The following IKZF5 variants were observed in gnomAD, a reference collection of about 807,000 sequenced individuals.
The protein encoded by IKZF5 is IKAROS family zinc finger 5.
In IKZF5, 4 loss-of-function variants were observed where a neutral mutation model predicts 30.7. That is an observed-to-expected ratio of 0.13 (90% CI 0.06 to 0.30). IKZF5 has a LOEUF of 0.30. IKZF5 is among the 10% of genes least tolerant of loss of function. The probability of loss-of-function intolerance (pLI) is 1.00; values close to 1 mark genes in which losing one functional copy is unlikely to be tolerated. For missense variants in IKZF5, 348 were observed against 525.5 expected (o/e 0.66, Z 3.30); for synonymous variants, 148 against 179.6 (o/e 0.82, Z 1.41).
chr10:122,996,176 G>A lies in IKZF5; in HGVS notation c.134C>T (p.Ala45Val). The A allele has an allele frequency of 6.2e-7, 1 of 1,611,148 alleles. No homozygotes were observed. ...TCCATTTTGATCACCATCTGTTCCAGCTATAAACAAAGTACCGCAAAAGAA... is the reference window on the plus strand; with the variant it reads ...TCCATTTTGATCACCATCTGTTCCAACTATAAACAAAGTACCGCAAAAGAA... ...GDKEAEALQG[A>V]GTDGDQNGLD... is the part of the protein sequence containing the mutation. The change falls in exon 4 of 5, where the codon GCT becomes GTT. Residue 45 changes from alanine (A) to valine (V), a missense_variant and splice_region_variant. Coordinates refer to ENST00000368886, the MANE Select transcript of IKZF5 (RefSeq NM_001372123.1).
In IKZF5 at chr10:122,994,189, T is replaced by C; in HGVS notation, c.851A>G (p.Lys284Arg). Reference sequence around the variant, plus strand: ...AGAGGGCTGCTGAATCATGAAAGGCTTTTCATCAGGGCAGGGAACTACATC... The same window carrying C: ...AGAGGGCTGCTGAATCATGAAAGGCCTTTCATCAGGGCAGGGAACTACATC... ...SPDVVPCPDE[K>R]PFMIQQPSTQ... Residue 284 changes from lysine (K) to arginine (R), a missense_variant, in exon 5 of 5, where the codon AAG becomes AGG. By Grantham distance (26) the Lys-to-Arg change is conservative. Around this residue, in one of 4 missense-constraint regions of IKZF5, gnomAD observed 176 missense variants for 198.2 expected, o/e 0.89. Coordinates refer to ENST00000368886, the MANE Select transcript of IKZF5 (RefSeq NM_001372123.1). This position sits in a 1 kb window ranked among gnomAD's most constrained non-coding sequence, Gnocchi z 5.6. 1 of 1,614,138 alleles carries C rather than the reference T, an allele frequency of 6.2e-7. No homozygotes were observed. The highest frequency in any genetic ancestry group is 8.5e-7 in the Non-Finnish European group (1 of 1,180,020).
chr10:122,998,610 G>T lies in IKZF5; in HGVS notation c.16C>A (p.Pro6Thr), dbSNP rs202154688. 3.1e-6 allele frequency: 5 copies of T among 1,610,764 alleles called. No homozygotes were observed. Among genetic ancestry groups the T allele is most frequent in the South Asian group, 1.1e-5 (1 of 90,446 alleles). Reference sequence around the variant, plus strand: ...TCTTTCACGAAGTCCAAAGGCTCTGGTTTTTTTTCACCCATCTTTGCTTTT... The same window carrying T: ...TCTTTCACGAAGTCCAAAGGCTCTGTTTTTTTTTCACCCATCTTTGCTTTT... MGEKKPEPLDFVKDFQ... is the reference protein window; with the variant it reads MGEKKTEPLDFVKDFQ... Residue 6 changes from proline to threonine, a missense_variant, in exon 3 of 5, where the codon CCA (proline) becomes ACA (threonine). Physicochemically the swap from Pro to Thr is conservative, Grantham distance 38. Coordinates refer to ENST00000368886, the MANE Select transcript of IKZF5 (RefSeq NM_001372123.1).
chr10:123,007,669 C>T (rs1286739033), intron 1 of IKZF5, among the ~76,000 whole-genome samples: 1 of 152,146 alleles, frequency 6.6e-6, no homozygotes, highest in African/African-American at 2.4e-5. Flanking sequence ...TAACACAAAA[C>T]AGCTACGGTT....
chr10:123,004,365 C>T (rs1002575478), intron 2 of IKZF5, among the ~76,000 whole-genome samples: 3 of 151,408 alleles, frequency 2.0e-5, no homozygotes, highest in African/African-American at 7.3e-5. Context: ...TAATCCTTAC[C>T]AAATCTTGAT....
intron 3 of IKZF5, among the ~76,000 whole-genome samples, chr10:122,996,404 C>T (rs568682410): frequency 6.6e-6 from 1 of 152,018 alleles, no homozygotes; most frequent in Admixed American, 6.6e-5. Flanking sequence ...AAATTATTTA[C>T]ACAAGGCCAG....
chr10:122,997,648 T>C (rs902058662), intron 3 of IKZF5: 2 of 152,202 alleles, frequency 1.3e-5, no homozygotes, highest in African/African-American at 4.8e-5. Context: ...ACTTTTTCTA[T>C]AGGCATGAAA....
At position 123,008,761 on chromosome 10, in the gene IKZF5, G is replaced by C. The variant is rs939245269; in HGVS notation, c.-265C>G. 2 of 601,392 alleles carry C rather than the reference G, an allele frequency of 3.3e-6. No individual in the cohort carries two copies. Among genetic ancestry groups the C allele is most frequent in the Non-Finnish European group, 5.9e-6 (2 of 336,746 alleles). 37.3% of individuals were successfully genotyped at this position (601,392 alleles called of 1,614,324 possible). A position where few individuals can be genotyped will look rare whatever the true frequency, so the allele number is the denominator to read the frequency against. ...TGCCGTCGCCGCCGCCGCCGTCTTC[G>C]TCACCGTCACAGTCGCCGCCGCCAT... On this transcript the variant is annotated 5_prime_UTR_variant, in exon 1 of 5. Transcript: ENST00000368886.
At chr10:122,998,468 C>T (rs774291833) in intron 3 of IKZF5, 25 bp downstream of exon 3, 2 of 1,593,302 alleles carry the variant, frequency 1.3e-6, no homozygotes, top group Admixed American at 3.5e-5. Context: ...AAGTGAATTA[C>T]TTAGTAGTAT....
At position 123,004,981 on chromosome 10, in the gene IKZF5, G is replaced by GA. The variant is rs562612693; in HGVS notation, c.-47+2044dup. On this transcript the variant is annotated intron_variant, in intron 2 of 4. Transcript: ENST00000368886. ...TCAATATTTCTAAGCATAATAAATTGAAAAATAGTAATAATTCTGAAACTG... is the reference window on the plus strand; with the variant it reads ...TCAATATTTCTAAGCATAATAAATTGAAAAAATAGTAATAATTCTGAAACTG... Among the ~76,000 whole-genome samples, 7 of 152,170 alleles carry GA rather than the reference G, an allele frequency of 4.6e-5. No homozygotes were observed. In the East Asian group the frequency reaches 5.8e-4, roughly 13 times the overall value.
chr10:123,004,297 C>G (rs1038706886), intron 2 of IKZF5, among the ~76,000 whole-genome samples: 1 of 152,062 alleles, frequency 6.6e-6, no homozygotes, highest in African/African-American at 2.4e-5. Flanking sequence ...CACATGAAAA[C>G]TATACATTTC....
At chr10:122,996,528 TAAA>T (rs11329642) in intron 3 of IKZF5, among the ~76,000 whole-genome samples, 2 of 140,128 alleles carry the variant, frequency 1.4e-5, no homozygotes, top group Non-Finnish European at 3.1e-5. Flanking sequence ...TGTCTCTACT[TAAA>T]AAAAAAAAAA....
At chr10:123,000,635 T>C (rs765829231) in intron 2 of IKZF5, among the ~76,000 whole-genome samples, 49 of 152,244 alleles carry the variant, frequency 3.2e-4, no homozygotes, top group Non-Finnish European at 5.3e-4. Flanking sequence ...TAATGTCAAA[T>C]AGGTTTTCAA....
chr10:123,008,258 A>G (rs1849890592), intron 1 of IKZF5, among the ~76,000 whole-genome samples: 1 of 152,172 alleles, frequency 6.6e-6, no homozygotes, highest in South Asian at 2.1e-4. Context: ...TCGGGGCAGC[A>G]GCCTCACCAA....
At chr10:123,001,680 C>T (rs1378083791) in intron 2 of IKZF5, among the ~76,000 whole-genome samples, 1 of 152,130 alleles carries the variant, frequency 6.6e-6, no homozygotes, top group African/African-American at 2.4e-5. Flanking sequence ...CTGTTCTGTT[C>T]CACTAGCCTA....
In IKZF5 at chr10:122,990,858, A is replaced by G. The variant is rs1468334260; in HGVS notation, c.*2922T>C. On this transcript the variant is annotated 3_prime_UTR_variant, in exon 5 of 5. Coordinates refer to ENST00000368886, the MANE Select transcript of IKZF5 (RefSeq NM_001372123.1). ...ACAAAAGCAAAGCTTCATTCACAATATGAACTGCATACTAGATATAGTTAT... is the reference window on the plus strand; with the variant it reads ...ACAAAAGCAAAGCTTCATTCACAATGTGAACTGCATACTAGATATAGTTAT... 1 of 147,754 alleles carries G rather than the reference A, an allele frequency of 6.8e-6. No homozygotes were observed. Among genetic ancestry groups the G allele is most frequent in the Non-Finnish European group, 1.5e-5 (1 of 67,106 alleles). 9.2% of individuals were successfully genotyped at this position (147,754 alleles called of 1,614,324 possible).
At position 122,998,628 on chromosome 10, in the gene IKZF5, T is replaced by C. The variant is rs1849474761; in HGVS notation, c.-3A>G. ...GGCTCTGGTTTTTTTTCACCCATCT[T>C]TGCTTTTTTAACATTTACAGTTTGT... is the stretch of plus-strand genomic sequence containing the variant. On this transcript the variant is annotated 5_prime_UTR_variant, in exon 3 of 5. Coordinates refer to ENST00000368886, the MANE Select transcript of IKZF5 (RefSeq NM_001372123.1). 1.1e-5 allele frequency: 18 copies of C among 1,611,440 alleles called. No individual in the cohort carries two copies. The highest frequency in any genetic ancestry group is 1.5e-5 in the Non-Finnish European group (18 of 1,179,236).
chr10:122,996,037 G>A lies in IKZF5; in HGVS notation c.273C>T (p.Ser91=), dbSNP rs776948929. Residue 91 remains serine (S), a synonymous_variant, in exon 4 of 5, where the codon AGC becomes AGT. Coordinates refer to ENST00000368886, the MANE Select transcript of IKZF5 (RefSeq NM_001372123.1). ...KLKCRYCNYA[S]KGTARLIEHI... ...GTTCAATAAGCCGGGCTGTTCCTTTGCTGGCATAGTTGCAGTACCGACACT... is the reference window on the plus strand; with the variant it reads ...GTTCAATAAGCCGGGCTGTTCCTTTACTGGCATAGTTGCAGTACCGACACT... 1.9e-6 allele frequency: 3 copies of A among 1,613,918 alleles called. No homozygotes were observed. The highest frequency in any genetic ancestry group is 2.2e-5 in the South Asian group (2 of 91,084).
rs554938663 is a variant in IKZF5 at position 123,005,885 on chromosome 10, A to T, written c.-47+1141T>A. Among the ~76,000 whole-genome samples, 3 of 152,346 alleles carry T rather than the reference A, an allele frequency of 2.0e-5. No homozygotes were observed. The South Asian group carries it at 6.2e-4, about 32-fold the overall frequency. On this transcript the variant is annotated intron_variant, in intron 2 of 4. Transcript: ENST00000368886. ...ACCACTCAGTCTATGGTAATTCGTTACAGCAACCTGAACTAAGATATCTAA... is the reference window on the plus strand; with the variant it reads ...ACCACTCAGTCTATGGTAATTCGTTTCAGCAACCTGAACTAAGATATCTAA...
chr10:122,998,486 A>G lies in IKZF5; in HGVS notation c.133+7T>C, dbSNP rs776593022. ...TGAATTACTTAGTAGTATTAAAATGAGTCTACCTCCCTGAAGAGCCTCTGC... is the reference window on the plus strand; with the variant it reads ...TGAATTACTTAGTAGTATTAAAATGGGTCTACCTCCCTGAAGAGCCTCTGC... On this transcript the variant is annotated splice_region_variant and intron_variant, in intron 3 of 4. Transcript: ENST00000368886. 6.2e-7 allele frequency: 1 copy of G among 1,603,388 alleles called. No homozygotes were observed. Among genetic ancestry groups the G allele is most frequent in the Non-Finnish European group, 8.5e-7 (1 of 1,175,700 alleles).
Sources: allele counts gnomAD v4.1 joint callset (sites outside exome capture counted in the v4.1 genomes callset), GRCh38; gene constraint gnomAD v4.1.1; regional missense constraint gnomAD v4.1.1; non-coding constraint Gnocchi (gnomAD v3.1); transcripts MANE v1.5; gene names NCBI Gene and HGNC (gene_info 2026-07-23, HGNC 2026-07-21).